Variants in TGFB2 observed in about 807,000 individuals in gnomAD.
TGFB2 encodes transforming growth factor beta-2 proprotein.
In TGFB2, 13 loss-of-function variants were observed where a neutral mutation model predicts 42.7. The observed-to-expected ratio is 0.30, with a 90% CI of 0.20 to 0.48. The LOEUF is 0.48. TGFB2 is among the 20% of genes least tolerant of loss of function. TGFB2 has a pLI of 0.99. For synonymous variants in TGFB2, 193 were observed against 193.6 expected, an observed-to-expected ratio of 1.00 and a Z score of 0.03; for missense variants, 390 against 517.5, an observed-to-expected ratio of 0.75 and a Z score of 2.39.
intron 2 of TGFB2, among the ~76,000 whole-genome samples, chr1:218,414,481 G>T (rs555629911): frequency 6.6e-6 from 1 of 151,994 alleles, no homozygotes; most frequent in Non-Finnish European, 1.5e-5. Flanking sequence ...ACATAGCATA[G>T]TAACCCACCT....
rs745717964 is a variant in TGFB2 at position 218,442,827 on chromosome 1, T to C, written c.*1465T>C. ...AAATTGAAGTAAAATGTTTTCATTTTAGCAAGGATTTAGGGTTCTAACTAA... is the reference window on the plus strand; with the variant it reads ...AAATTGAAGTAAAATGTTTTCATTTCAGCAAGGATTTAGGGTTCTAACTAA... On this transcript the variant is annotated 3_prime_UTR_variant, in exon 7 of 7. Coordinates refer to ENST00000366930, the MANE Select transcript of TGFB2 (RefSeq NM_003238.6). 2.0e-5 allele frequency: 3 copies of C among 152,212 alleles called. No individual in the cohort carries two copies. The highest frequency in any genetic ancestry group is 7.2e-5 in the African/African-American group (3 of 41,464). The allele number at this position is 152,212 out of a possible 1,614,324, so 9.4% of individuals were successfully genotyped here.
At chr1:218,366,909 T>C (rs917513247) in intron 1 of TGFB2, among the ~76,000 whole-genome samples, 3 of 152,234 alleles carry the variant, frequency 2.0e-5, no homozygotes, top group African/African-American at 7.2e-5. Context: ...ACCCTGAACC[T>C]ACAGCCCCTG....
chr1:218,397,945 C>T (rs1289203950), intron 1 of TGFB2, among the ~76,000 whole-genome samples: 1 of 152,212 alleles, frequency 6.6e-6, no homozygotes, highest in African/African-American at 2.4e-5. Context: ...AACTACTGAC[C>T]TTTCTGGCTT....
intron 1 of TGFB2, among the ~76,000 whole-genome samples, chr1:218,356,831 C>A (rs898956600): frequency 6.6e-6 from 1 of 152,224 alleles, no homozygotes; most frequent in Non-Finnish European, 1.5e-5. Flanking sequence ...CCTCCGCAAC[C>A]AAGCACTGGC....
At chr1:218,357,104 T>TGGGA (rs1311082287) in intron 1 of TGFB2, among the ~76,000 whole-genome samples, 4 of 150,484 alleles carry the variant, frequency 2.7e-5, no homozygotes, top group Non-Finnish European at 5.9e-5. Context: ...CCCAGCTACT[T>TGGGA]GGGAGGCTGA....
intron 1 of TGFB2, among the ~76,000 whole-genome samples, chr1:218,370,324 T>G (rs955736612): frequency 1.3e-5 from 2 of 152,198 alleles, no homozygotes; most frequent in Admixed American, 6.5e-5. Context: ...GAAGGAGATT[T>G]GCCCCTTCAT....
At chr1:218,393,866 A>T (rs1447320063) in intron 1 of TGFB2, among the ~76,000 whole-genome samples, 1 of 151,112 alleles carries the variant, frequency 6.6e-6, no homozygotes, top group Non-Finnish European at 1.5e-5. Context: ...CATACTCTTC[A>T]TGCTCATGGG....
rs904126849 is a variant in TGFB2, at chr1:218,346,062, A to G, written c.-640A>G. 1.3e-5 allele frequency among the ~76,000 whole-genome samples: 2 copies of G among 150,206 alleles called. No individual in the cohort carries two copies. The highest frequency in any genetic ancestry group is 2.4e-5 in the African/African-American group (1 of 40,938). On this transcript the variant is annotated 5_prime_UTR_variant, in exon 1 of 7. Transcript: ENST00000366930. The surrounding 1 kb of genome is among the most constrained non-coding windows in gnomAD (Gnocchi z 4.9). Reference sequence around the variant, plus strand: ...GCCCCCAGCGCGCGCACACGCACACACACACACACACACACACACGCACGC... The same window carrying G: ...GCCCCCAGCGCGCGCACACGCACACGCACACACACACACACACACGCACGC...
intron 1 of TGFB2, among the ~76,000 whole-genome samples, chr1:218,399,978 T>C (rs1401017661): frequency 6.6e-6 from 1 of 152,178 alleles, no homozygotes; most frequent in East Asian, 1.9e-4. Flanking sequence ...TAGAAAATTA[T>C]TTACTTCATT....
At chr1:218,417,125 A>G (rs1311675297) in intron 2 of TGFB2, among the ~76,000 whole-genome samples, 1 of 152,244 alleles carries the variant, frequency 6.6e-6, no homozygotes, top group Non-Finnish European at 1.5e-5. Flanking sequence ...GGTAACGAGC[A>G]GAGGTTAAAA....
intron 1 of TGFB2, among the ~76,000 whole-genome samples, chr1:218,380,486 G>T (rs189653467): frequency 1.8e-4 from 27 of 152,040 alleles, no homozygotes; most frequent in African/African-American, 6.3e-4. Context: ...CCTTTGATTA[G>T]CAAATAGTAC....
rs1392690657 is a variant in TGFB2, at chr1:218,345,771, G to C, written c.-931G>C. 1 of 152,580 alleles carries C rather than the reference G, an allele frequency of 6.6e-6. No individual in the cohort carries two copies. Among genetic ancestry groups the C allele is most frequent in the East Asian group, 1.9e-4 (1 of 5,148 alleles). 9.5% of individuals were successfully genotyped at this position (152,580 alleles called of 1,614,324 possible). The stretch of plus-strand genomic sequence containing the variant: ...GTGAACGCAACCGCGACGGCTGATC[G>C]TCTGTGGCTGGGTTGGCGTTTGGAG... On this transcript the variant is annotated 5_prime_UTR_variant, in exon 1 of 7. Coordinates refer to ENST00000366930, the MANE Select transcript of TGFB2 (RefSeq NM_003238.6).
At chr1:218,378,401 T>C (rs1437260792) in intron 1 of TGFB2, among the ~76,000 whole-genome samples, 1 of 152,184 alleles carries the variant, frequency 6.6e-6, no homozygotes. Context: ...GGTTTCGAAG[T>C]CCTGACCTCA....
chr1:218,358,122 A>G (rs905079811), intron 1 of TGFB2, among the ~76,000 whole-genome samples: 5 of 152,212 alleles, frequency 3.3e-5, no homozygotes, highest in Non-Finnish European at 7.3e-5. Flanking sequence ...TCATCTTGTA[A>G]GCAAGAATGC....
chr1:218,384,326 G>T (rs1041883518), intron 1 of TGFB2, among the ~76,000 whole-genome samples: 3 of 152,200 alleles, frequency 2.0e-5, no homozygotes, highest in Non-Finnish European at 1.5e-5. Context: ...TAGCAGGTAT[G>T]TGGGATATTT....
chr1:218,399,717 T>G (rs1316516892), intron 1 of TGFB2, among the ~76,000 whole-genome samples: 1 of 152,122 alleles, frequency 6.6e-6, no homozygotes, highest in Non-Finnish European at 1.5e-5. Context: ...TATAGCGTCA[T>G]GTATAAACTG....
chr1:218,396,378 G>C (rs1230247969), intron 1 of TGFB2, among the ~76,000 whole-genome samples: 3 of 152,214 alleles, frequency 2.0e-5, no homozygotes, highest in East Asian at 3.9e-4. Context: ...TGGCAGAACT[G>C]GAAGTGGGCT....
chr1:218,415,434 C>G (rs749551602), intron 2 of TGFB2, among the ~76,000 whole-genome samples: 24 of 151,920 alleles, frequency 1.6e-4, no homozygotes, highest in Non-Finnish European at 2.2e-4. Context: ...GTGGCTCATG[C>G]CTGTAATTCC....
At chr1:218,417,723 G>T (rs1425975146) in intron 2 of TGFB2, among the ~76,000 whole-genome samples, 1 of 152,194 alleles carries the variant, frequency 6.6e-6, no homozygotes, top group Non-Finnish European at 1.5e-5. Context: ...CTGGCCCAGG[G>T]TCCCTGTGCT....
Sources: allele counts gnomAD v4.1 joint callset (sites outside exome capture counted in the v4.1 genomes callset), GRCh38; gene constraint gnomAD v4.1.1; non-coding constraint Gnocchi (gnomAD v3.1); transcripts MANE v1.5; gene names NCBI Gene and HGNC (gene_info 2026-07-23, HGNC 2026-07-21).